NELL1: variants seen among roughly 807,000 people sequenced by gnomAD.
The protein encoded by NELL1 is protein kinase C-binding protein NELL1.
In NELL1, 76 loss-of-function variants were observed where a neutral mutation model predicts 107.4. The observed-to-expected ratio is 0.71, with a 90% confidence interval of 0.59 to 0.86. The LOEUF (loss-of-function observed/expected upper bound fraction) is 0.86, where lower values mean the gene tolerates loss of function less well. NELL1 is among the 40% of genes least tolerant of loss of function. The pLI is 0.00. For synonymous variants in NELL1, 353 were observed against 341.2 expected, an observed-to-expected ratio of 1.03 and a Z score of -0.38; for missense variants, 1,024 against 1,005.5, an observed-to-expected ratio of 1.02 and a Z score of -0.25.
chr11:21,054,545 C>A (rs954724603), intron 12 of NELL1, among the ~76,000 whole-genome samples: 4 of 151,974 alleles, frequency 2.6e-5, no homozygotes, highest in African/African-American at 4.8e-5. Context: ...AAGTGTGTAA[C>A]CATTTATATT....
chr11:20,686,920 A>T (rs987086690), intron 2 of NELL1, among the ~76,000 whole-genome samples: 1 of 148,750 alleles, frequency 6.7e-6, no homozygotes, highest in Admixed American at 6.7e-5. Flanking sequence ...ACATGTGTGT[A>T]TAGGGGCTTC....
chr11:21,490,398 G>A (rs991261727), intron 15 of NELL1, among the ~76,000 whole-genome samples: 19 of 135,510 alleles, frequency 1.4e-4, no homozygotes, highest in African/African-American at 4.4e-4. Flanking sequence ...AATCCCTATC[G>A]AAATACCAAT....
chr11:20,906,219 T>A (rs975421580), intron 5 of NELL1, among the ~76,000 whole-genome samples: 1 of 152,136 alleles, frequency 6.6e-6, no homozygotes, highest in Middle Eastern at 3.4e-3. Context: ...GAAAACAAAT[T>A]AGATAACCTA....
chr11:20,969,235 T>G (rs1378661522), intron 12 of NELL1, among the ~76,000 whole-genome samples: 1 of 152,098 alleles, frequency 6.6e-6, no homozygotes, highest in Non-Finnish European at 1.5e-5. Flanking sequence ...TTTGGATTTA[T>G]TCTATCCTCA....
intron 15 of NELL1, among the ~76,000 whole-genome samples, chr11:21,468,479 G>T (rs1854087664): frequency 6.6e-6 from 1 of 151,858 alleles, no homozygotes; most frequent in Admixed American, 6.6e-5. Flanking sequence ...TAAAATTATT[G>T]CATTCCCATT....
At chr11:20,733,152 C>T (rs1855685839) in intron 2 of NELL1, among the ~76,000 whole-genome samples, 1 of 152,180 alleles carries the variant, frequency 6.6e-6, no homozygotes, top group Non-Finnish European at 1.5e-5. Flanking sequence ...CTCTTCCTCC[C>T]TGCCATCCCT....
chr11:20,850,102 G>A (rs1848769555), intron 4 of NELL1, among the ~76,000 whole-genome samples: 1 of 152,124 alleles, frequency 6.6e-6, no homozygotes, highest in South Asian at 2.1e-4. Context: ...AGGGTAAGAA[G>A]GAGAAAAGGA....
chr11:21,510,170 G>T (rs1010319068), intron 15 of NELL1, among the ~76,000 whole-genome samples: 3 of 152,176 alleles, frequency 2.0e-5, no homozygotes, highest in African/African-American at 7.2e-5. Flanking sequence ...ATGCACGATT[G>T]GCCAGCCACA....
rs73453931 is a variant in NELL1, at chr11:21,270,553, A to G, written c.1549+41099A>G. Among the ~76,000 whole-genome samples the G allele has an allele frequency of 3.4e-3, 519 of 152,238 alleles. 3 individuals are homozygous for G. Among genetic ancestry groups the G allele is most frequent in the African/African-American group, 0.012 (499 of 41,554 alleles). On this transcript the variant is annotated intron_variant, in intron 14 of 19. Coordinates refer to ENST00000357134, the MANE Select transcript of NELL1 (RefSeq NM_006157.5). Reference sequence around the variant, plus strand: ...ATGAGTAAAAACTGACCAAACTAGAAAGAGAAACAGATGAATTCACTAATA... The same window carrying G: ...ATGAGTAAAAACTGACCAAACTAGAGAGAGAAACAGATGAATTCACTAATA...
At chr11:21,377,017 C>A (rs1851496912) in intron 15 of NELL1, among the ~76,000 whole-genome samples, 1 of 151,986 alleles carries the variant, frequency 6.6e-6, no homozygotes, top group Non-Finnish European at 1.5e-5. Flanking sequence ...TCTTCTTTTC[C>A]TAATAGGTTG....
At chr11:21,058,328 G>A (rs1341042319) in intron 12 of NELL1, among the ~76,000 whole-genome samples, 1 of 152,088 alleles carries the variant, frequency 6.6e-6, no homozygotes, top group African/African-American at 2.4e-5. Context: ...AATAGTTTGA[G>A]TCTGACAGTC....
At chr11:20,728,023 T>C (rs1237513394) in intron 2 of NELL1, among the ~76,000 whole-genome samples, 1 of 152,208 alleles carries the variant, frequency 6.6e-6, no homozygotes, top group Non-Finnish European at 1.5e-5. Context: ...TGCTATTTTA[T>C]TGTGGTTTTG....
At chr11:21,182,516 C>T (rs964931125) in intron 13 of NELL1, among the ~76,000 whole-genome samples, 1 of 150,340 alleles carries the variant, frequency 6.7e-6, no homozygotes, top group African/African-American at 2.5e-5. Context: ...GAGACAGTAA[C>T]CACACAAATT....
At chr11:21,404,011 C>CG (rs959950967) in intron 15 of NELL1, among the ~76,000 whole-genome samples, 2 of 109,482 alleles carry the variant, frequency 1.8e-5, no homozygotes, top group African/African-American at 3.4e-5. Context: ...CTGAACCCCC[C>CG]CCCCCGCAAT....
intron 2 of NELL1, among the ~76,000 whole-genome samples, chr11:20,745,638 T>C (rs993258382): frequency 1.3e-5 from 2 of 152,200 alleles, no homozygotes; most frequent in African/African-American, 4.8e-5. Context: ...GTATACAAAA[T>C]AGCACCTTGA....
At chr11:20,883,955 A>G (rs958815921) in intron 4 of NELL1, among the ~76,000 whole-genome samples, 20 of 152,236 alleles carry the variant, frequency 1.3e-4, no homozygotes, top group Admixed American at 1.3e-3. Context: ...ATTCTAAGAT[A>G]CAAAAAAGGT....
At chr11:21,450,999 G>A (rs1853564590) in intron 15 of NELL1, among the ~76,000 whole-genome samples, 1 of 151,794 alleles carries the variant, frequency 6.6e-6, no homozygotes, top group African/African-American at 2.4e-5. Context: ...GACCATCCTG[G>A]CTAACACGGT....
rs140861708 is a variant in NELL1 at position 21,388,097 on chromosome 11, T to C, written c.1645+17149T>C. On this transcript the variant is annotated intron_variant, in intron 15 of 19. Coordinates refer to ENST00000357134, the MANE Select transcript of NELL1 (RefSeq NM_006157.5). ...ATTCTATGTTTTTTTTTTTTTCTGG[T>C]ATGCCATACTGCCTTCAGCCTTCCT... Among the ~76,000 whole-genome samples, 18 of 151,304 alleles carry C rather than the reference T, an allele frequency of 1.2e-4. No individual in the cohort carries two copies. The East Asian group carries it at 2.8e-3, about 23-fold the overall frequency.
At chr11:21,208,658 A>G (rs1857438209) in intron 13 of NELL1, among the ~76,000 whole-genome samples, 1 of 152,070 alleles carries the variant, frequency 6.6e-6, no homozygotes, top group Non-Finnish European at 1.5e-5. Flanking sequence ...CTGGAAAATC[A>G]AGCCCTCTGT....
Sources: allele counts gnomAD v4.1 joint callset (sites outside exome capture counted in the v4.1 genomes callset), GRCh38; gene constraint gnomAD v4.1.1; transcripts MANE v1.5; gene names NCBI Gene and HGNC (gene_info 2026-07-23, HGNC 2026-07-21).